Variants in ZNF148 observed in about 807,000 individuals in gnomAD.
ZNF148 encodes the protein zinc finger protein 148.
ZNF148 carries 7 observed loss-of-function variants against 67.7 expected under a neutral mutation model. The ratio of observed to expected loss-of-function variants is 0.10; its 90% CI spans 0.06 to 0.19. ZNF148 has a LOEUF of 0.19. Ranked by LOEUF, ZNF148 falls within the 10% of genes least tolerant of loss-of-function variation. ZNF148 has a pLI of 1.00. For synonymous variants in ZNF148, 333 were observed against 330.7 expected (o/e 1.01, Z -0.08); for missense variants, 583 against 947.1 (o/e 0.62, Z 5.05).
At chr3:125,327,689 C>T (rs1941090327) in intron 2 of ZNF148, among the ~76,000 whole-genome samples, 1 of 152,002 alleles carries the variant, frequency 6.6e-6, no homozygotes, top group African/African-American at 2.4e-5. Flanking sequence ...TCTAACCATA[C>T]CAGAATTGAA....
At chr3:125,302,578 C>T (rs1939652749) in intron 4 of ZNF148, among the ~76,000 whole-genome samples, 1 of 152,124 alleles carries the variant, frequency 6.6e-6, no homozygotes, top group East Asian at 1.9e-4. Flanking sequence ...TCGCATAATA[C>T]AGCTTTTCAT....
chr3:125,293,366 C>A (rs1939118697), intron 4 of ZNF148, among the ~76,000 whole-genome samples: 1 of 152,130 alleles, frequency 6.6e-6, no homozygotes, highest in Admixed American at 6.6e-5. Context: ...AGTAGACATA[C>A]ATGTATTTTC....
chr3:125,297,219 G>C (rs530740090), intron 4 of ZNF148, among the ~76,000 whole-genome samples: 2 of 152,138 alleles, frequency 1.3e-5, no homozygotes, highest in East Asian at 1.9e-4. Context: ...ATCTCTATGG[G>C]TAAGTTTGAG....
intron 4 of ZNF148, among the ~76,000 whole-genome samples, chr3:125,311,535 G>A (rs1249487490): frequency 6.6e-6 from 1 of 152,044 alleles, no homozygotes; most frequent in Non-Finnish European, 1.5e-5. Context: ...TTTTTCTGCT[G>A]ATAGTTGTAT....
intron 1 of ZNF148, chr3:125,344,360 A>G (rs1477741478): frequency 5.0e-6 from 3 of 604,394 alleles, no homozygotes; most frequent in Non-Finnish European, 9.0e-6. Flanking sequence ...CTTCCAAAAG[A>G]TGGAAATCCA....
intron 1 of ZNF148, among the ~76,000 whole-genome samples, chr3:125,336,629 C>A (rs1489147345): frequency 1.3e-5 from 2 of 150,122 alleles, no homozygotes; most frequent in Admixed American, 6.6e-5. Flanking sequence ...CATATCTATC[C>A]CAAGGATAAC....
At chr3:125,279,311 A>G (rs760467747) in intron 5 of ZNF148, 64 bp from the exon 6 acceptor site, 28 of 1,319,930 alleles carry the variant, frequency 2.1e-5, no homozygotes, top group Non-Finnish European at 2.8e-5. Context: ...TTAAATAGTA[A>G]TTTTAAAAAA....
At chr3:125,253,475 C>T (rs1164617964) in intron 7 of ZNF148, among the ~76,000 whole-genome samples, 1 of 151,966 alleles carries the variant, frequency 6.6e-6, no homozygotes, top group Admixed American at 6.6e-5. Flanking sequence ...CTAGGACCTC[C>T]AATACCATGT....
chr3:125,350,545 CG>C (rs1942108750), intron 1 of ZNF148, among the ~76,000 whole-genome samples: 1 of 152,102 alleles, frequency 6.6e-6, no homozygotes, highest in South Asian at 2.1e-4. Flanking sequence ...ACTGGTTTCA[CG>C]GAAGACAATT....
At chr3:125,234,903 G>A (rs1166891935) in intron 7 of ZNF148, among the ~76,000 whole-genome samples, 1 of 152,104 alleles carries the variant, frequency 6.6e-6, no homozygotes, top group East Asian at 1.9e-4. Context: ...GAATTAAACT[G>A]AGTATTGTTA....
intron 4 of ZNF148, among the ~76,000 whole-genome samples, chr3:125,302,590 G>A (rs941723745): frequency 2.6e-5 from 4 of 151,998 alleles, no homozygotes; most frequent in Non-Finnish European, 4.4e-5. Flanking sequence ...GCTTTTCATT[G>A]ATTCATTTTC....
At position 125,277,777 on chromosome 3, in the gene ZNF148, T is replaced by C. The variant is rs538973634; in HGVS notation, c.616A>G (p.Met206Val). The change falls in exon 7 of 9, where the codon ATG (methionine) becomes GTG (valine). Residue 206 changes from methionine (M) to valine (V), a missense_variant. By Grantham distance (21) the Met-to-Val change is conservative. Around this residue, in one of 5 missense-constraint regions of ZNF148, gnomAD observed 25 missense variants for 142.0 expected, o/e 0.18. Coordinates refer to ENST00000360647, the MANE Select transcript of ZNF148 (RefSeq NM_021964.3). ...AGCAGGTACTTCTGTATGAAACGCA[T>C]GTCACATTGACTACATTGAAATGGT... ...EKPFQCSQCD[M>V]RFIQKYLLQR... 2.5e-6 allele frequency: 4 copies of C among 1,611,480 alleles called. No individual in the cohort carries two copies. Among genetic ancestry groups the C allele is most frequent in the Non-Finnish European group, 3.4e-6 (4 of 1,179,016 alleles).
intron 7 of ZNF148, among the ~76,000 whole-genome samples, chr3:125,260,199 G>C (rs1281856472): frequency 1.3e-5 from 2 of 152,030 alleles, no homozygotes; most frequent in Non-Finnish European, 2.9e-5. Context: ...CTGAAATATT[G>C]AAAGAATTAT....
At chr3:125,247,690 C>T (rs1357169916) in intron 7 of ZNF148, among the ~76,000 whole-genome samples, 1 of 152,148 alleles carries the variant, frequency 6.6e-6, no homozygotes, top group Non-Finnish European at 1.5e-5. Context: ...CTGCCTGTCT[C>T]GCCCTCCCAA....
chr3:125,334,731 T>A (rs1941421327), intron 1 of ZNF148, among the ~76,000 whole-genome samples: 1 of 152,106 alleles, frequency 6.6e-6, no homozygotes, highest in Admixed American at 6.5e-5. Context: ...AGACCCGAAC[T>A]CCTTATAAGG....
At chr3:125,265,917 T>C (rs1034857694) in intron 7 of ZNF148, among the ~76,000 whole-genome samples, 1 of 151,964 alleles carries the variant, frequency 6.6e-6, no homozygotes, top group Non-Finnish European at 1.5e-5. Context: ...AGAGTAGGGG[T>C]CATTATTCTT....
In ZNF148 at chr3:125,279,131, A is replaced by G; in HGVS notation, c.576T>C (p.Ile192=). 6.3e-7 allele frequency: 1 copy of G among 1,599,540 alleles called. No individual in the cohort carries two copies. The highest frequency in any genetic ancestry group is 1.2e-5 in the South Asian group (1 of 86,758). The change falls in exon 6 of 9, where the codon ATT becomes ATC. Residue 192 remains isoleucine (I), a synonymous_variant. Coordinates refer to ENST00000360647, the MANE Select transcript of ZNF148 (RefSeq NM_021964.3). ...TTTTAATTCAAGAAATACCTGTATG[A>G]ATGAAGACATGTCTCTGTAAGTGAT... ...TNYHLQRHVF[I]HTGEKPFQCS...
At chr3:125,307,054 C>CAAAA (rs55863917) in intron 4 of ZNF148, among the ~76,000 whole-genome samples, 7 of 144,406 alleles carry the variant, frequency 4.8e-5, no homozygotes, top group African/African-American at 1.5e-4. Context: ...ATAGCTATTC[C>CAAAA]AAAAAAAAAA....
intron 7 of ZNF148, among the ~76,000 whole-genome samples, chr3:125,249,501 C>A (rs1456054527): frequency 2.0e-5 from 3 of 151,808 alleles, no homozygotes. Context: ...TGGCTATTAT[C>A]AAAAAGTCAA....
Sources: gnomAD v4.1 joint callset for allele counts (sites outside exome capture counted in the v4.1 genomes callset) on GRCh38, gnomAD v4.1.1 for gene constraint, gnomAD v4.1.1 regional missense constraint, MANE v1.5 for transcripts, NCBI Gene and HGNC (gene_info 2026-07-23, HGNC 2026-07-21) for gene names.